Variants in RAD23A observed in about 807,000 individuals in gnomAD.
The protein encoded by RAD23A is RAD23 nucleotide excision repair protein A, also known as lysine-specific demethylase RAD23A.
A neutral mutation model predicts 44.8 loss-of-function variants in RAD23A; 16 were observed. That is an observed-to-expected ratio of 0.36 (90% CI 0.24 to 0.54). The LOEUF is 0.54. RAD23A is among the 20% of genes least tolerant of loss of function. The probability of loss-of-function intolerance (pLI) is 0.89; values close to 1 mark genes in which losing one functional copy is unlikely to be tolerated. For synonymous variants in RAD23A, 217 were observed against 202.9 expected, an observed-to-expected ratio of 1.07 and a Z score of -0.59; for missense variants, 380 against 483.3, an observed-to-expected ratio of 0.79 and a Z score of 2.00.
chr19:12,948,883 G>A lies in RAD23A; in HGVS notation c.600+70G>A. The A allele has an allele frequency of 6.4e-7, 1 of 1,554,988 alleles. No homozygotes were observed. Among genetic ancestry groups the A allele is most frequent in the Non-Finnish European group, 8.7e-7 (1 of 1,152,806 alleles). On this transcript the variant is annotated intron_variant, in intron 5 of 8. Coordinates refer to ENST00000586534, the MANE Select transcript of RAD23A (RefSeq NM_005053.4). The surrounding 1 kb of genome is among the most constrained non-coding windows in gnomAD (Gnocchi z 5.5). ...CCGGGCGTCACTGCCCTGATGGGCG[G>A]TTGGGAAGGCAAAACCTGCCCTGAA...
At chr19:12,949,686 AGT>A (rs1290895286) in intron 7 of RAD23A, 2 of 506,756 alleles carry the variant, frequency 3.9e-6, no homozygotes, top group East Asian at 6.7e-5. Context: ...CGCAGCTGGT[AGT>A]GTGTGTGTCT....
rs868346307 is a variant in RAD23A, at chr19:12,945,990, C to T, written c.42C>T (p.Thr14=). The change falls in exon 1 of 9, where the codon ACC becomes ACT. Residue 14 remains threonine, a synonymous_variant. Transcript: ENST00000586534. ...TITLKTLQQQ[T]FKIRMEPDET... is the part of the protein sequence containing the mutation. The stretch of plus-strand genomic sequence containing the variant: ...CGCTCAAAACGCTGCAGCAGCAGAC[C>T]TTCAAGATCCGCATGGAGCCTGACG... The T allele has an allele frequency of 2.5e-6, 4 of 1,594,114 alleles. No homozygotes were observed. The highest frequency in any genetic ancestry group is 3.4e-4 in the Middle Eastern group (2 of 5,872).
chr19:12,948,160 T>C lies in RAD23A; in HGVS notation c.235-17T>C. The C allele has an allele frequency of 6.2e-7, 1 of 1,613,906 alleles. No homozygotes were observed. Among genetic ancestry groups the C allele is most frequent in the Non-Finnish European group, 8.5e-7 (1 of 1,179,940 alleles). On this transcript the variant is annotated splice_polypyrimidine_tract_variant and intron_variant, in intron 2 of 8. Coordinates refer to ENST00000586534, the MANE Select transcript of RAD23A (RefSeq NM_005053.4). This position sits in a 1 kb window ranked among gnomAD's most constrained non-coding sequence, Gnocchi z 5.5. ...ATAGGGTTGCTGATGCCAGCTCCCT[T>C]TTTCTTGCTGTTGCAGACCAAAGCC...
intron 7 of RAD23A, among the ~76,000 whole-genome samples, chr19:12,951,306 C>G (rs1971805442): frequency 6.6e-6 from 1 of 152,124 alleles, no homozygotes; most frequent in Non-Finnish European, 1.5e-5. Flanking sequence ...ATCCACAGAC[C>G]ACGTCTTTTC....
intron 1 of RAD23A, among the ~76,000 whole-genome samples, chr19:12,947,339 C>T (rs911318737): frequency 6.6e-6 from 1 of 152,086 alleles, no homozygotes; most frequent in Non-Finnish European, 1.5e-5. Flanking sequence ...GACAAGAGTA[C>T]CAGTTGAGCC....
Position 12,953,160 on chromosome 19 carries a change from T to A in RAD23A, c.*111T>A. 2.6e-6 allele frequency: 2 copies of A among 765,074 alleles called. No homozygotes were observed. Among genetic ancestry groups the A allele is most frequent in the Non-Finnish European group, 3.9e-6 (2 of 506,704 alleles). 47.4% of individuals were successfully genotyped at this position (765,074 alleles called of 1,614,324 possible). On this transcript the variant is annotated 3_prime_UTR_variant, in exon 9 of 9. Coordinates refer to ENST00000586534, the MANE Select transcript of RAD23A (RefSeq NM_005053.4). ...TTTATTTAAGAAATGGAAAAAAAAA[T>A]CAAAAATCTTAAAAAAACAAGCAAA...
At chr19:12,951,032 C>G (rs546085462) in intron 7 of RAD23A, among the ~76,000 whole-genome samples, 1 of 152,204 alleles carries the variant, frequency 6.6e-6, no homozygotes, top group Middle Eastern at 3.2e-3. Flanking sequence ...CCACTGCACT[C>G]CAGCCTGGGT....
At chr19:12,949,708 C>T in intron 7 of RAD23A, 1 of 463,044 alleles carries the variant, frequency 2.2e-6, no homozygotes, top group Non-Finnish European at 3.9e-6. Context: ...TGCCTCCTGC[C>T]TCGGGGTGGG....
In RAD23A at chr19:12,952,799, C is replaced by A. The variant is rs1254795964; in HGVS notation, c.924C>A (p.Ala308=). Residue 308 remains alanine (A), a synonymous_variant, in exon 8 of 9, where the codon GCC becomes GCA. Coordinates refer to ENST00000586534, the MANE Select transcript of RAD23A (RefSeq NM_005053.4). ...AGGTGGGCGCCATAGGAGAGGAGGC[C>A]CCGCAGATGAACTACATCCAGGTGA... ...EGEVGAIGEE[A]PQMNYIQVTP... 57 of 1,611,458 alleles carry A rather than the reference C, an allele frequency of 3.5e-5. No individual in the cohort carries two copies. Among genetic ancestry groups the A allele is most frequent in the Non-Finnish European group, 4.8e-5 (57 of 1,178,924 alleles).
Position 12,948,636 on chromosome 19 carries a change from G to A in RAD23A, c.473-50G>A, listed in dbSNP as rs45604337. The A allele has an allele frequency of 1.3e-6, 2 of 1,591,650 alleles. No individual in the cohort carries two copies. Among genetic ancestry groups the A allele is most frequent in the African/African-American group, 1.3e-5 (1 of 74,496 alleles). ...TGTCTGGGTGCGGGAGGGCCTGGGA[G>A]CTGCCCTTTCCTCTTCCTGGTGACC... On this transcript the variant is annotated intron_variant, in intron 4 of 8. Coordinates refer to ENST00000586534, the MANE Select transcript of RAD23A (RefSeq NM_005053.4). This position sits in a 1 kb window ranked among gnomAD's most constrained non-coding sequence, Gnocchi z 5.5.
intron 7 of RAD23A, among the ~76,000 whole-genome samples, chr19:12,951,735 C>T (rs373346489): frequency 6.6e-6 from 1 of 152,162 alleles, no homozygotes; most frequent in African/African-American, 2.4e-5. Flanking sequence ...CATGAGGCAC[C>T]GTGCCCAGCC....
Position 12,948,183 on chromosome 19 carries a change from G to C in RAD23A, c.241G>C (p.Ala81Pro). Residue 81 changes from alanine (A) to proline (P), a missense_variant, in exon 3 of 9, where the codon GCC (alanine) becomes CCC (proline). Ala to Pro is a conservative substitution (Grantham distance 27). Coordinates refer to ENST00000586534, the MANE Select transcript of RAD23A (RefSeq NM_005053.4). The surrounding 1 kb of genome is among the most constrained non-coding windows in gnomAD (Gnocchi z 5.5). ...FVVVMVTKTK[A>P]GQGTSAPPEA... ...CTTTTTCTTGCTGTTGCAGACCAAA[G>C]CCGGCCAGGGTACCTCAGCACCCCC... 6.2e-7 allele frequency: 1 copy of C among 1,614,042 alleles called. No homozygotes were observed. The highest frequency in any genetic ancestry group is 8.5e-7 in the Non-Finnish European group (1 of 1,180,000).
In RAD23A at chr19:12,952,873, G is replaced by A. The variant is rs1228874618; in HGVS notation, c.978+20G>A. Reference sequence around the variant, plus strand: ...GAGAGGGTAAGAGGCCTGGCTGAGGGGTGACTGCAGGTGGGCAGGACCCCT... The same window carrying A: ...GAGAGGGTAAGAGGCCTGGCTGAGGAGTGACTGCAGGTGGGCAGGACCCCT... On this transcript the variant is annotated intron_variant, in intron 8 of 8. Coordinates refer to ENST00000586534, the MANE Select transcript of RAD23A (RefSeq NM_005053.4). 6.2e-7 allele frequency: 1 copy of A among 1,603,292 alleles called. No homozygotes were observed. The highest frequency in any genetic ancestry group is 8.5e-7 in the Non-Finnish European group (1 of 1,173,326).
rs201128109 is a variant in RAD23A at position 12,948,536 on chromosome 19, C to G, written c.456C>G (p.Asp152Glu). Residue 152 changes from aspartate (D) to glutamate (E), a missense_variant, in exon 4 of 9, where the codon GAC becomes GAG. Around this residue, in one of 3 missense-constraint regions of RAD23A, gnomAD observed 279 missense variants for 313.7 expected, o/e 0.89. Coordinates refer to ENST00000586534, the MANE Select transcript of RAD23A (RefSeq NM_005053.4). The surrounding 1 kb of genome is among the most constrained non-coding windows in gnomAD (Gnocchi z 5.5). ...CAGGTAGCAGCGGGCGAGAGGAAGACGCGGCCTCCACGCTAGGTGGGTGGG... is the reference window on the plus strand; with the variant it reads ...CAGGTAGCAGCGGGCGAGAGGAAGAGGCGGCCTCCACGCTAGGTGGGTGGG... ...PSSGSSGREEDAASTLVTGSE... is the reference protein window; with the variant it reads ...PSSGSSGREEEAASTLVTGSE... The G allele has an allele frequency of 4.5e-5, 72 of 1,595,362 alleles. No homozygotes were observed. In the Admixed American group the frequency reaches 1.2e-3, roughly 28 times the overall value.
chr19:12,947,928 C>T lies in RAD23A; in HGVS notation c.153C>T (p.Ala51=), dbSNP rs369209594. 41 of 1,613,818 alleles carry T rather than the reference C, an allele frequency of 2.5e-5. No individual in the cohort carries two copies. The highest frequency in any genetic ancestry group is 2.0e-4 in the South Asian group (18 of 91,082). The part of the protein sequence containing the change: ...FPVAGQKLIY[A]GKILSDDVPI... ...TGGCTGGACAGAAACTCATCTATGC[C>T]GGCAAGATCTTGAGTGACGATGTCC... The change falls in exon 2 of 9, where the codon GCC becomes GCT. Residue 51 remains alanine (A), a synonymous_variant. Coordinates refer to ENST00000586534, the MANE Select transcript of RAD23A (RefSeq NM_005053.4).
In RAD23A at chr19:12,948,420, A is replaced by T; in HGVS notation, c.416+62A>T. 1 of 1,544,902 alleles carries T rather than the reference A, an allele frequency of 6.5e-7. No homozygotes were observed. The highest frequency in any genetic ancestry group is 8.7e-7 in the Non-Finnish European group (1 of 1,144,490). On this transcript the variant is annotated intron_variant, in intron 3 of 8. Transcript: ENST00000586534. This position sits in a 1 kb window ranked among gnomAD's most constrained non-coding sequence, Gnocchi z 5.5. ...CCTCCTAGCACATTCCAGCGTCCAC[A>T]TAAGTGGTCCCACACACCTGGAGGG...
At position 12,948,372 on chromosome 19, in the gene RAD23A, A is replaced by G. The variant is rs778689844; in HGVS notation, c.416+14A>G. On this transcript the variant is annotated intron_variant, in intron 3 of 8. Transcript: ENST00000586534. This position sits in a 1 kb window ranked among gnomAD's most constrained non-coding sequence, Gnocchi z 5.5. ...GTCTGTGTCAGGGTAAGGCGGGGGC[A>G]GCAGTCCCAGCTTGGGCCCTGTCCT... 12 of 1,564,744 alleles carry G rather than the reference A, an allele frequency of 7.7e-6. No individual in the cohort carries two copies. The South Asian group carries it at 1.1e-4, about 14-fold the overall frequency.
intron 7 of RAD23A, 135 bp from the exon 8 acceptor site, chr19:12,952,554 C>A: frequency 2.0e-6 from 2 of 1,018,432 alleles, no homozygotes; most frequent in Non-Finnish European, 2.9e-6. Context: ...GTGTCGACTG[C>A]TATGTTGTGT....
rs1387636562 is a variant in RAD23A at position 12,948,009 on chromosome 19, G to A, written c.234G>A (p.Lys78=). 6 of 1,613,102 alleles carry A rather than the reference G, an allele frequency of 3.7e-6. No homozygotes were observed. The highest frequency in any genetic ancestry group is 1.3e-5 in the African/African-American group (1 of 74,920). ...ACTTTGTGGTCGTCATGGTGACCAA[G>A]GTGGGTGACGTGTGCTGGCTGGGAG... ...EKNFVVVMVT[K]TKAGQGTSAP... The change falls in exon 2 of 9, where the codon AAG becomes AAA. Residue 78 remains lysine (K), a splice_region_variant and synonymous_variant. Transcript: ENST00000586534. This position sits in a 1 kb window ranked among gnomAD's most constrained non-coding sequence, Gnocchi z 5.5.
Sources: allele counts gnomAD v4.1 joint callset (sites outside exome capture counted in the v4.1 genomes callset), GRCh38; gene constraint gnomAD v4.1.1; regional missense constraint gnomAD v4.1.1; non-coding constraint Gnocchi (gnomAD v3.1); transcripts MANE v1.5; gene names NCBI Gene and HGNC (gene_info 2026-07-23, HGNC 2026-07-21).